CLOCK: variants seen among roughly 807,000 people sequenced by gnomAD.
CLOCK encodes the protein clock circadian regulator.
Under a neutral mutation model 118.4 loss-of-function variants are expected in CLOCK, and 43 were observed. The ratio of observed to expected loss-of-function variants is 0.36; its 90% CI spans 0.28 to 0.47. The LOEUF (loss-of-function observed/expected upper bound fraction) is 0.47, where lower values mean the gene tolerates loss of function less well. Among genes scored for constraint, CLOCK ranks in the 20% least tolerant of loss-of-function variants. The pLI is 1.00. For synonymous variants in CLOCK, 326 were observed against 339.2 expected (o/e 0.96, Z 0.43); for missense variants, 846 against 999.9 (o/e 0.85, Z 2.08).
intron 7 of CLOCK, among the ~76,000 whole-genome samples, chr4:55,472,319 A>C (rs1221845513): frequency 6.6e-6 from 1 of 152,218 alleles, no homozygotes; most frequent in Non-Finnish European, 1.5e-5. Context: ...GGCTATTACA[A>C]GTCACTCATT....
chr4:55,480,666 G>A (rs1220178626), intron 4 of CLOCK, among the ~76,000 whole-genome samples: 3 of 152,108 alleles, frequency 2.0e-5, no homozygotes, highest in East Asian at 1.9e-4. Context: ...CGAGGCGGGC[G>A]GATCACGAGG....
chr4:55,439,887 T>C (rs1723209263), intron 21 of CLOCK, among the ~76,000 whole-genome samples: 1 of 152,070 alleles, frequency 6.6e-6, no homozygotes, highest in Non-Finnish European at 1.5e-5. Context: ...AGTTTCTGTT[T>C]GGGAAGATGA....
intron 7 of CLOCK, 55 bp downstream of exon 7, chr4:55,475,908 C>T (rs78858079): frequency 2.4e-6 from 3 of 1,234,634 alleles, no homozygotes; most frequent in Non-Finnish European, 3.6e-6. Context: ...TTAAGTCACC[C>T]TGTGATTTCT....
At chr4:55,475,468 G>A (rs1407295096) in intron 7 of CLOCK, among the ~76,000 whole-genome samples, 29 of 152,198 alleles carry the variant, frequency 1.9e-4, no homozygotes, top group Admixed American at 1.8e-3. Flanking sequence ...AGTACTGACT[G>A]TAATTTTGAA....
chr4:55,467,336 G>C (rs1725802182), intron 8 of CLOCK, among the ~76,000 whole-genome samples: 1 of 152,164 alleles, frequency 6.6e-6, no homozygotes, highest in Admixed American at 6.5e-5. Flanking sequence ...CAAGGAACTA[G>C]CTAGCTCCTC....
intron 18 of CLOCK, 81 bp from the exon 19 acceptor site, chr4:55,444,866 A>G: frequency 7.1e-7 from 1 of 1,408,704 alleles, no homozygotes. Flanking sequence ...AAAAGTAAGC[A>G]GTATAACATG....
chr4:55,512,601 G>A (rs1022760532), intron 1 of CLOCK, among the ~76,000 whole-genome samples: 16 of 151,948 alleles, frequency 1.1e-4, no homozygotes, highest in South Asian at 6.2e-4. Flanking sequence ...TTTCTAACAC[G>A]GAATACGTCT....
Position 55,438,343 on chromosome 4 carries a change from AGCTGCTGCTCCTGGGAGCTCTGCT to A in CLOCK, c.2276_2299del (p.Gln759_Gln766del), listed in dbSNP as rs750061999. On this transcript the variant is annotated inframe_deletion, in exon 22 of 23. Coordinates refer to ENST00000513440, the MANE Select transcript of CLOCK (RefSeq NM_004898.4). ...CTGAGATGGTTGCTGAACTGAAGTG[AGCTGCTGCTCCTGGGAGCTCTGCT>A]GCTGCTGCTGCTGCGTTACTGACAA... 4.3e-6 allele frequency: 7 copies of A among 1,614,026 alleles called. No homozygotes were observed. The East Asian group carries it at 1.3e-4, about 31-fold the overall frequency.
At position 55,448,834 on chromosome 4, in the gene CLOCK, G is replaced by A. The variant is rs934423905; in HGVS notation, c.1484C>T (p.Thr495Ile). Residue 495 changes from threonine (T) to isoleucine (I), a missense_variant, in exon 18 of 23, where the codon ACA becomes ATA. Thr to Ile is a moderately conservative substitution (Grantham distance 89, BLOSUM62 -1). Around this residue, in one of 4 missense-constraint regions of CLOCK, gnomAD observed 520 missense variants for 558.0 expected, o/e 0.93. Transcript: ENST00000513440. ...INSQSVGSSLTQPVMSQATNL... is the reference protein window; with the variant it reads ...INSQSVGSSLIQPVMSQATNL... The stretch of plus-strand genomic sequence containing the variant: ...TGTAGCTTGAGACATCACTGGCTGT[G>A]TTAATGATGAACCAACAGACTGGGA... 4.3e-6 allele frequency: 7 copies of A among 1,613,942 alleles called. No homozygotes were observed. Among genetic ancestry groups the A allele is most frequent in the Non-Finnish European group, 5.9e-6 (7 of 1,179,892 alleles).
At chr4:55,443,563 T>C (rs1237538943) in intron 20 of CLOCK, 124 bp downstream of exon 20, 1 of 780,006 alleles carries the variant, frequency 1.3e-6, no homozygotes, top group Non-Finnish European at 2.2e-6. Context: ...CTCAATACTA[T>C]ACTTTCTAAA....
At chr4:55,457,649 C>T (rs1725008886) in intron 11 of CLOCK, among the ~76,000 whole-genome samples, 1 of 152,162 alleles carries the variant, frequency 6.6e-6, no homozygotes, top group Non-Finnish European at 1.5e-5. Flanking sequence ...CCTTACCTCC[C>T]ACTATCTCTT....
At chr4:55,527,660 T>C (rs1730292420) in intron 1 of CLOCK, among the ~76,000 whole-genome samples, 1 of 152,134 alleles carries the variant, frequency 6.6e-6, no homozygotes, top group African/African-American at 2.4e-5. Context: ...AAAGGCATTT[T>C]TGAAAAAGCT....
chr4:55,462,234 CA>C (rs1217548462), intron 9 of CLOCK, among the ~76,000 whole-genome samples: 11 of 151,978 alleles, frequency 7.2e-5, no homozygotes, highest in Non-Finnish European at 1.5e-4. Flanking sequence ...GTAGGGTCTT[CA>C]AAGCAAACGC....
chr4:55,516,071 T>A (rs989185280), intron 1 of CLOCK, among the ~76,000 whole-genome samples: 2 of 152,190 alleles, frequency 1.3e-5, no homozygotes, highest in African/African-American at 2.4e-5. Flanking sequence ...ACAGATACTG[T>A]CTGATTTCTA....
At position 55,453,711 on chromosome 4, in the gene CLOCK, G is replaced by T; in HGVS notation, c.1096C>A (p.Pro366Thr). 1 of 1,610,814 alleles carries T rather than the reference G, an allele frequency of 6.2e-7. No homozygotes were observed. Among genetic ancestry groups the T allele is most frequent in the Non-Finnish European group, 8.5e-7 (1 of 1,177,894 alleles). The change falls in exon 14 of 23, where the codon CCA (proline) becomes ACA (threonine). Residue 366 changes from proline (P) to threonine (T), a missense_variant. Physicochemically the swap from Pro to Thr is conservative, Grantham distance 38. Transcript: ENST00000513440. Reference sequence around the variant, plus strand: ...GTGTGAGTACAAACAATAAACTCTGGCCTTGAATTCCACTGATGGTAAGTG... The same window carrying T: ...GTGTGAGTACAAACAATAAACTCTGTCCTTGAATTCCACTGATGGTAAGTG... ...YITYHQWNSR[P>T]EFIVCTHTVV... is the part of the protein sequence containing the mutation.
In CLOCK at chr4:55,429,435, A is replaced by G. The variant is rs557504017; in HGVS notation, c.*5980T>C. On this transcript the variant is annotated 3_prime_UTR_variant, in exon 23 of 23. Transcript: ENST00000513440. ...ATCCTCAAATGTCTAGGTTTCCAATATTCCAACACTGCTTTACTGGGCAGT... is the reference window on the plus strand; with the variant it reads ...ATCCTCAAATGTCTAGGTTTCCAATGTTCCAACACTGCTTTACTGGGCAGT... 1 of 152,272 alleles carries G rather than the reference A, an allele frequency of 6.6e-6. No individual in the cohort carries two copies. The highest frequency in any genetic ancestry group is 6.5e-5 in the Admixed American group (1 of 15,304). 9.4% of individuals were successfully genotyped at this position (152,272 alleles called of 1,614,324 possible). A position where few individuals can be genotyped will look rare whatever the true frequency, so the allele number is the denominator to read the frequency against.
chr4:55,508,511 T>C (rs555060851), intron 2 of CLOCK, among the ~76,000 whole-genome samples: 5 of 152,198 alleles, frequency 3.3e-5, no homozygotes, highest in East Asian at 1.9e-4. Context: ...TCTTAAACCA[T>C]AGCACTCAAA....
At chr4:55,504,837 A>G (rs1728697041) in intron 2 of CLOCK, among the ~76,000 whole-genome samples, 1 of 152,188 alleles carries the variant, frequency 6.6e-6, no homozygotes, top group Non-Finnish European at 1.5e-5. Flanking sequence ...TTACTATAAA[A>G]TAATTAAACC....
At chr4:55,503,740 A>G (rs1209724802) in intron 2 of CLOCK, among the ~76,000 whole-genome samples, 1 of 151,966 alleles carries the variant, frequency 6.6e-6, no homozygotes, top group African/African-American at 2.4e-5. Flanking sequence ...TGGGTACTAA[A>G]AGTCATGTTC....
Sources: allele counts gnomAD v4.1 joint callset (sites outside exome capture counted in the v4.1 genomes callset), GRCh38; gene constraint gnomAD v4.1.1; regional missense constraint gnomAD v4.1.1; transcripts MANE v1.5; gene names NCBI Gene and HGNC (gene_info 2026-07-23, HGNC 2026-07-21).